VPS41: variants seen among roughly 807,000 people sequenced by gnomAD.
VPS41 encodes the protein VPS41 subunit of HOPS complex.
In VPS41, 85 loss-of-function variants were observed where a neutral mutation model predicts 130.9. The observed-to-expected ratio is 0.65, with a 90% confidence interval of 0.55 to 0.78. The LOEUF is 0.78. Ranked by LOEUF, VPS41 falls within the 30% of genes least tolerant of loss-of-function variation. The pLI, the probability that VPS41 is intolerant of heterozygous loss-of-function variation, is 0.00. For synonymous variants in VPS41, 335 were observed against 332.9 expected (o/e 1.01, Z -0.07); for missense variants, 874 against 1,018.7 (o/e 0.86, Z 1.93).
At chr7:38,782,080 T>A (rs1004074170) in intron 10 of VPS41, among the ~76,000 whole-genome samples, 6 of 152,208 alleles carry the variant, frequency 3.9e-5, no homozygotes, top group African/African-American at 1.4e-4. Context: ...CTGGCTCAGC[T>A]CCTCCCTGGT....
At chr7:38,787,727 G>A (rs1784465476) in intron 10 of VPS41, among the ~76,000 whole-genome samples, 2 of 152,084 alleles carry the variant, frequency 1.3e-5, no homozygotes, top group Admixed American at 6.5e-5. Context: ...ACACTATTCA[G>A]GGCTAAAGGA....
intron 1 of VPS41, among the ~76,000 whole-genome samples, chr7:38,902,950 G>C (rs1361711492): frequency 6.6e-6 from 1 of 152,204 alleles, no homozygotes; most frequent in African/African-American, 2.4e-5. Context: ...CAAAGGCTTT[G>C]CCTTCTTTGT....
chr7:38,897,372 G>C (rs937668432), intron 2 of VPS41, among the ~76,000 whole-genome samples: 3 of 151,852 alleles, frequency 2.0e-5, no homozygotes, highest in Non-Finnish European at 4.4e-5. Flanking sequence ...CAGGCCGGGC[G>C]CGGTGGCTCA....
At chr7:38,728,938 T>C (rs1795603523) in intron 25 of VPS41, 147 bp from the exon 26 acceptor site, 1 of 701,942 alleles carries the variant, frequency 1.4e-6, no homozygotes, top group South Asian at 1.9e-5. Context: ...CAGTACCCTC[T>C]TCCTGCCAAA....
At chr7:38,869,503 T>TTA (rs1358002257) in intron 2 of VPS41, among the ~76,000 whole-genome samples, 1 of 152,212 alleles carries the variant, frequency 6.6e-6, no homozygotes, top group Non-Finnish European at 1.5e-5. Context: ...TGTCACTAAC[T>TTA]TTACATGTTC....
At chr7:38,799,975 T>A (rs1340153570) in intron 7 of VPS41, among the ~76,000 whole-genome samples, 3 of 152,086 alleles carry the variant, frequency 2.0e-5, no homozygotes, top group Non-Finnish European at 4.4e-5. Context: ...ACTACTGAAC[T>A]GCGGTCTTGG....
At position 38,817,834 on chromosome 7, in the gene VPS41, C is replaced by G; in HGVS notation, c.433G>C (p.Val145Leu). The change falls in exon 7 of 29, where the codon GTG becomes CTG. Residue 145 changes from valine to leucine, a missense_variant. Val to Leu is a conservative substitution (Grantham distance 32). Transcript: ENST00000310301. ...GCACTTACCTTCTTCCCTCCGGTCA[C>G]AAACTGCTTGCAACTGGATCTCACG... Reference protein sequence around the residue: ...HFVRSSCKQFVTGGKKLLLFE... With the variant: ...HFVRSSCKQFLTGGKKLLLFE... The G allele has an allele frequency of 6.2e-7, 1 of 1,614,150 alleles. No homozygotes were observed. The highest frequency in any genetic ancestry group is 1.1e-5 in the South Asian group (1 of 91,078).
chr7:38,832,443 C>T (rs369447900), intron 4 of VPS41, among the ~76,000 whole-genome samples: 5 of 151,524 alleles, frequency 3.3e-5, no homozygotes, highest in South Asian at 4.2e-4. Context: ...CTCAGCCTCC[C>T]GAGTAGCTGG....
chr7:38,840,210 C>T (rs1351868334), intron 4 of VPS41, among the ~76,000 whole-genome samples: 1 of 152,166 alleles, frequency 6.6e-6, no homozygotes, highest in African/African-American at 2.4e-5. Flanking sequence ...TTGACAACAA[C>T]GAGCTATATA....
In VPS41 at chr7:38,723,687, G is replaced by A. The variant is rs920584868; in HGVS notation, c.*2559C>T. 8.7e-6 allele frequency: 1 copy of A among 115,080 alleles called. No homozygotes were observed. The highest frequency in any genetic ancestry group is 3.5e-5 in the African/African-American group (1 of 28,968). The allele number at this position is 115,080 out of a possible 1,614,324, so 7.1% of individuals were successfully genotyped here. A position where few individuals can be genotyped will look rare whatever the true frequency, so the allele number is the denominator to read the frequency against. On this transcript the variant is annotated 3_prime_UTR_variant, in exon 29 of 29. Coordinates refer to ENST00000310301, the MANE Select transcript of VPS41 (RefSeq NM_014396.4). ...TGCAGTGAGCCAAGATCATGTCACTGCACTCCAGCCAAGGCAACAGAACGA... is the reference window on the plus strand; with the variant it reads ...TGCAGTGAGCCAAGATCATGTCACTACACTCCAGCCAAGGCAACAGAACGA...
At chr7:38,854,850 A>AG (rs70977433) in intron 4 of VPS41, among the ~76,000 whole-genome samples, 132,769 of 145,240 alleles carry the variant, frequency 0.91, 60,687 homozygotes, top group East Asian at 1. Context: ...CAAGAAGTGG[A>AG]GAAAAAAAAA....
intron 7 of VPS41, among the ~76,000 whole-genome samples, chr7:38,816,158 T>C (rs1315433812): frequency 9.9e-5 from 15 of 152,208 alleles, no homozygotes; most frequent in Non-Finnish European, 7.3e-5. Context: ...AGCTAGAGAA[T>C]GTGAGATTAG....
chr7:38,862,207 C>A (rs571288982), intron 4 of VPS41, among the ~76,000 whole-genome samples: 76 of 151,986 alleles, frequency 5.0e-4, no homozygotes, highest in Non-Finnish European at 8.8e-4. Flanking sequence ...TAAAAGAATA[C>A]AGGAGTATTC....
chr7:38,803,229 T>C (rs1784768128), intron 7 of VPS41, among the ~76,000 whole-genome samples: 1 of 152,220 alleles, frequency 6.6e-6, no homozygotes, highest in South Asian at 2.1e-4. Context: ...TCTGGTCACC[T>C]AACGCCCATC....
intron 10 of VPS41, among the ~76,000 whole-genome samples, chr7:38,789,258 G>T (rs1465288139): frequency 2.0e-5 from 3 of 152,214 alleles, no homozygotes; most frequent in African/African-American, 7.2e-5. Context: ...AGACAGAAAT[G>T]TATCAAATAA....
chr7:38,886,242 TA>T (rs1016453335), intron 2 of VPS41, among the ~76,000 whole-genome samples: 1 of 152,166 alleles, frequency 6.6e-6, no homozygotes, highest in African/African-American at 2.4e-5. Context: ...TTCCCTTTCT[TA>T]GTCAATGGAA....
chr7:38,814,027 T>C (rs1784992920), intron 7 of VPS41, among the ~76,000 whole-genome samples: 2 of 152,214 alleles, frequency 1.3e-5, no homozygotes, highest in Admixed American at 1.3e-4. Flanking sequence ...CTTATCACAA[T>C]GTCCAACTTT....
chr7:38,870,054 T>C (rs1309375803), intron 2 of VPS41, among the ~76,000 whole-genome samples: 3 of 152,082 alleles, frequency 2.0e-5, no homozygotes, highest in Non-Finnish European at 2.9e-5. Flanking sequence ...CCTGGAGGCA[T>C]TTACTAATTC....
At chr7:38,764,011 A>G (rs1395937224) in intron 16 of VPS41, among the ~76,000 whole-genome samples, 1 of 152,204 alleles carries the variant, frequency 6.6e-6, no homozygotes, top group Non-Finnish European at 1.5e-5. Context: ...TACTGTGTTA[A>G]AAGTCAAATT....
Sources: allele counts gnomAD v4.1 joint callset (sites outside exome capture counted in the v4.1 genomes callset), GRCh38; gene constraint gnomAD v4.1.1; transcripts MANE v1.5; gene names NCBI Gene and HGNC (gene_info 2026-07-23, HGNC 2026-07-21).